RFTN2: variants seen among roughly 807,000 people sequenced by gnomAD.
The protein encoded by RFTN2 is raftlin-2.
In RFTN2, 34 loss-of-function variants were observed where a neutral mutation model predicts 52.7. The observed-to-expected ratio is 0.64, with a 90% CI of 0.49 to 0.86. The LOEUF is 0.86. Among genes scored for constraint, RFTN2 ranks in the 40% least tolerant of loss-of-function variants. The pLI, the probability that RFTN2 is intolerant of heterozygous loss-of-function variation, is 0.00. For synonymous variants in RFTN2, 203 were observed against 217.7 expected (o/e 0.93, Z 0.59); for missense variants, 536 against 600.1 (o/e 0.89, Z 1.12).
intron 6 of RFTN2, among the ~76,000 whole-genome samples, chr2:197,616,275 T>TTTATTTTATTTTTTTTATTTTATTTTA (rs1553601957): frequency 1.6e-5 from 1 of 61,502 alleles, no homozygotes; most frequent in Non-Finnish European, 3.5e-5. Context: ...CTGCATTTTA[T>TTTATTTTATTTTTTTTATTTTATTTTA]TTTATTTTAT....
At chr2:197,655,997 C>T (rs545943491) in intron 1 of RFTN2, among the ~76,000 whole-genome samples, 1 of 152,158 alleles carries the variant, frequency 6.6e-6, no homozygotes, top group Admixed American at 6.5e-5. Flanking sequence ...TTAAAAGACC[C>T]ACTGAAAGAA....
At position 197,570,938 on chromosome 2, in the gene RFTN2, T is replaced by G. The variant is rs757477518; in HGVS notation, c.*1070A>C. 1.2e-4 allele frequency: 19 copies of G among 152,272 alleles called. No individual in the cohort carries two copies. The highest frequency in any genetic ancestry group is 6.5e-5 in the Admixed American group (1 of 15,284). 9.4% of individuals were successfully genotyped at this position (152,272 alleles called of 1,614,324 possible). On this transcript the variant is annotated 3_prime_UTR_variant, in exon 9 of 9. Transcript: ENST00000295049. ...GAGGTTCCATCTTTCAAAGTAAGCC[T>G]TTCATAGATAAATGAAAATCCTTTA... is the stretch of plus-strand genomic sequence containing the variant.
At chr2:197,590,989 C>G (rs1279673188) in intron 8 of RFTN2, among the ~76,000 whole-genome samples, 8 of 152,236 alleles carry the variant, frequency 5.3e-5, no homozygotes, top group Admixed American at 2.6e-4. Flanking sequence ...TGCTTTTATT[C>G]TCTTATCTGG....
intron 7 of RFTN2, among the ~76,000 whole-genome samples, chr2:197,613,709 C>G (rs1361673273): frequency 6.6e-6 from 1 of 152,172 alleles, no homozygotes; most frequent in Non-Finnish European, 1.5e-5. Flanking sequence ...TCCTTGTTAC[C>G]AAATGACCTT....
At chr2:197,668,559 G>A (rs2089094629) in intron 1 of RFTN2, among the ~76,000 whole-genome samples, 1 of 152,188 alleles carries the variant, frequency 6.6e-6, no homozygotes, top group Non-Finnish European at 1.5e-5. Context: ...CCAGAGGCAT[G>A]TACCTGCACC....
rs2087319835 is a variant in RFTN2 at position 197,571,659 on chromosome 2, G to A, written c.*349C>T. 1 of 238,350 alleles carries A rather than the reference G, an allele frequency of 4.2e-6. No homozygotes were observed. Among genetic ancestry groups the A allele is most frequent in the Admixed American group, 5.1e-5 (1 of 19,578 alleles). 14.8% of individuals were successfully genotyped at this position (238,350 alleles called of 1,614,324 possible). A position where few individuals can be genotyped will look rare whatever the true frequency, so the allele number is the denominator to read the frequency against. Reference sequence around the variant, plus strand: ...CTTCCTGAGAACTCTCTCTAATTGGGTAAAATACTGATTGAGATATTCAGT... The same window carrying A: ...CTTCCTGAGAACTCTCTCTAATTGGATAAAATACTGATTGAGATATTCAGT... On this transcript the variant is annotated 3_prime_UTR_variant, in exon 9 of 9. Coordinates refer to ENST00000295049, the MANE Select transcript of RFTN2 (RefSeq NM_144629.3).
chr2:197,675,499 G>A lies in RFTN2; in HGVS notation c.-41C>T, dbSNP rs751172468. The A allele has an allele frequency of 1.5e-6, 2 of 1,364,884 alleles. No individual in the cohort carries two copies. Among genetic ancestry groups the A allele is most frequent in the South Asian group, 1.7e-5 (1 of 59,208 alleles). 84.5% of individuals were successfully genotyped at this position (1,364,884 alleles called of 1,614,324 possible). Reference sequence around the variant, plus strand: ...GAATTAAATTGCAGGAAAGGGGAGGGAGAGCAGCAAATTCTGTTGTTTAAG... The same window carrying A: ...GAATTAAATTGCAGGAAAGGGGAGGAAGAGCAGCAAATTCTGTTGTTTAAG... On this transcript the variant is annotated 5_prime_UTR_variant, in exon 1 of 9. Coordinates refer to ENST00000295049, the MANE Select transcript of RFTN2 (RefSeq NM_144629.3).
At chr2:197,634,503 C>T (rs1167166366) in intron 3 of RFTN2, among the ~76,000 whole-genome samples, 1 of 151,906 alleles carries the variant, frequency 6.6e-6, no homozygotes, top group Non-Finnish European at 1.5e-5. Context: ...AGGTATAAAG[C>T]ACAAGCCCAA....
At chr2:197,618,022 AC>A (rs2088175167) in intron 5 of RFTN2, 101 bp from the exon 6 acceptor site, 5 of 958,376 alleles carry the variant, frequency 5.2e-6, no homozygotes, top group Non-Finnish European at 4.3e-6. Context: ...TGAAGGAAAA[AC>A]ATTTCAATTA....
chr2:197,598,419 C>A (rs1337511280), intron 7 of RFTN2, among the ~76,000 whole-genome samples: 1 of 152,002 alleles, frequency 6.6e-6, no homozygotes, highest in African/African-American at 2.4e-5. Flanking sequence ...GGTGTGTGAT[C>A]CAGGTGGAGA....
intron 5 of RFTN2, among the ~76,000 whole-genome samples, chr2:197,629,186 G>GAC (rs2088419184): frequency 6.6e-6 from 1 of 152,134 alleles, no homozygotes; most frequent in Admixed American, 6.5e-5. Context: ...CAAAGACTTG[G>GAC]AACCAACCCA....
chr2:197,620,537 T>C (rs2106217825), intron 5 of RFTN2, among the ~76,000 whole-genome samples: 1 of 152,376 alleles, frequency 6.6e-6, no homozygotes, highest in South Asian at 2.1e-4. Context: ...AAAGTAATTT[T>C]AATGTAATTT....
chr2:197,593,580 T>A (rs1033894264), intron 8 of RFTN2, among the ~76,000 whole-genome samples: 3 of 151,918 alleles, frequency 2.0e-5, no homozygotes, highest in Non-Finnish European at 4.4e-5. Flanking sequence ...TAATGGCCAT[T>A]TGTAGAATGT....
chr2:197,579,734 C>T (rs1370503794), intron 8 of RFTN2, among the ~76,000 whole-genome samples: 1 of 152,070 alleles, frequency 6.6e-6, no homozygotes, highest in Non-Finnish European at 1.5e-5. Flanking sequence ...TTCTCTTCTA[C>T]CGACCCATCT....
At chr2:197,590,803 T>C (rs890416080) in intron 8 of RFTN2, among the ~76,000 whole-genome samples, 4 of 152,198 alleles carry the variant, frequency 2.6e-5, no homozygotes, top group African/African-American at 9.6e-5. Flanking sequence ...GGGTTCGTGG[T>C]CTGGCTGGCT....
intron 5 of RFTN2, among the ~76,000 whole-genome samples, chr2:197,629,089 T>C (rs1438307968): frequency 3.9e-5 from 6 of 152,206 alleles, no homozygotes; most frequent in Non-Finnish European, 7.3e-5. Flanking sequence ...GCCATCCCAT[T>C]ACTGCGTATA....
intron 8 of RFTN2, among the ~76,000 whole-genome samples, chr2:197,573,535 T>C (rs868774126): frequency 5.3e-5 from 8 of 152,224 alleles, no homozygotes; most frequent in African/African-American, 9.6e-5. Flanking sequence ...CACAAAGATA[T>C]GGTTTGGAAT....
intron 1 of RFTN2, among the ~76,000 whole-genome samples, chr2:197,661,822 A>G (rs1201236892): frequency 6.6e-6 from 1 of 152,122 alleles, no homozygotes; most frequent in Non-Finnish European, 1.5e-5. Flanking sequence ...TCTTTGTAGT[A>G]ACAGCCATTC....
At chr2:197,619,093 G>A (rs888931689) in intron 5 of RFTN2, among the ~76,000 whole-genome samples, 1 of 151,068 alleles carries the variant, frequency 6.6e-6, no homozygotes, top group East Asian at 2.0e-4. Flanking sequence ...GGGAAGTGAG[G>A]AGCCCCTCTG....
Sources: gnomAD v4.1 joint callset for allele counts (sites outside exome capture counted in the v4.1 genomes callset) on GRCh38, gnomAD v4.1.1 for gene constraint, MANE v1.5 for transcripts, NCBI Gene and HGNC (gene_info 2026-07-23, HGNC 2026-07-21) for gene names.